CCDC178: variants seen among roughly 807,000 people sequenced by gnomAD.
CCDC178 encodes the protein coiled-coil domain containing 178, also known as coiled-coil domain-containing protein 178.
Under a neutral mutation model 117.4 loss-of-function variants are expected in CCDC178, and 126 were observed. The observed-to-expected ratio is 1.07, with a 90% CI of 0.93 to 1.24. CCDC178 has a LOEUF of 1.24. Ranked by LOEUF, CCDC178 falls within the 50% of genes most tolerant of loss-of-function variation. CCDC178 has a pLI of 0.00. For synonymous variants in CCDC178, 283 were observed against 313.4 expected (o/e 0.90, Z 1.02); for missense variants, 1,030 against 986.9 (o/e 1.04, Z -0.59).
At chr18:33,163,081 C>T (rs1179479913) in intron 20 of CCDC178, among the ~76,000 whole-genome samples, 1 of 152,120 alleles carries the variant, frequency 6.6e-6, no homozygotes, top group Non-Finnish European at 1.5e-5. Flanking sequence ...TCTCCACAAC[C>T]TCGCCAGTAT....
At chr18:33,390,699 T>C (rs1006640470) in intron 4 of CCDC178, among the ~76,000 whole-genome samples, 3 of 151,974 alleles carry the variant, frequency 2.0e-5, no homozygotes, top group Non-Finnish European at 4.4e-5. Context: ...TCAGGGGTGA[T>C]GGAAATTTTT....
At chr18:33,081,139 G>T (rs1332889985) in intron 21 of CCDC178, among the ~76,000 whole-genome samples, 1 of 152,114 alleles carries the variant, frequency 6.6e-6, no homozygotes, top group African/African-American at 2.4e-5. Flanking sequence ...TACTCTATAG[G>T]TTTCTTTAGC....
At chr18:32,953,596 C>T (rs1941272) in intron 22 of CCDC178, among the ~76,000 whole-genome samples, 3 of 152,174 alleles carry the variant, frequency 2.0e-5, no homozygotes, top group African/African-American at 7.2e-5. Context: ...ATCTTTGACA[C>T]TCAAAAAGTA....
rs1366456861 is a variant in CCDC178 at position 33,293,247 on chromosome 18, G to C, written c.1088C>G (p.Thr363Ser). Residue 363 changes from threonine (T) to serine (S), a missense_variant, in exon 12 of 23, where the codon ACT becomes AGT. Transcript: ENST00000383096. ...TTCCTCTTCCTTCTCCTCAATATTAGTATTAACATTTATCACTGATGAAGA... is the reference window on the plus strand; with the variant it reads ...TTCCTCTTCCTTCTCCTCAATATTACTATTAACATTTATCACTGATGAAGA... ...HYSSSVINVNTNIEEKEEEVT... is the reference protein window; with the variant it reads ...HYSSSVINVNSNIEEKEEEVT... 3 of 1,555,448 alleles carry C rather than the reference G, an allele frequency of 1.9e-6. No homozygotes were observed. The highest frequency in any genetic ancestry group is 2.3e-5 in the East Asian group (1 of 44,238).
chr18:33,041,070 A>G (rs887885930), intron 21 of CCDC178, among the ~76,000 whole-genome samples: 15 of 151,962 alleles, frequency 9.9e-5, no homozygotes, highest in Non-Finnish European at 1.9e-4. Flanking sequence ...AAAGGATATT[A>G]TTTTAAATTG....
At chr18:33,054,670 A>G (rs2056800130) in intron 21 of CCDC178, among the ~76,000 whole-genome samples, 1 of 152,184 alleles carries the variant, frequency 6.6e-6, no homozygotes, top group Non-Finnish European at 1.5e-5. Flanking sequence ...CCAGTTTATC[A>G]TTGATTGGCA....
chr18:33,420,793 A>T (rs1723387685), intron 2 of CCDC178, among the ~76,000 whole-genome samples: 2 of 152,342 alleles, frequency 1.3e-5, no homozygotes, highest in South Asian at 4.1e-4. Context: ...ATAACAGTTA[A>T]AAAAAGTAAA....
chr18:33,085,334 C>T (rs1000416658), intron 21 of CCDC178, among the ~76,000 whole-genome samples: 29 of 152,146 alleles, frequency 1.9e-4, no homozygotes, highest in Admixed American at 1.5e-3. Context: ...GAGGCCGAGG[C>T]GGGCGGATCA....
chr18:33,148,323 C>T (rs1217480344), intron 20 of CCDC178, among the ~76,000 whole-genome samples: 1 of 152,138 alleles, frequency 6.6e-6, no homozygotes, highest in Non-Finnish European at 1.5e-5. Context: ...ACTCGGCAGC[C>T]TGAGGCAGGA....
At chr18:33,354,065 T>C (rs1424658681) in intron 7 of CCDC178, among the ~76,000 whole-genome samples, 1 of 152,178 alleles carries the variant, frequency 6.6e-6, no homozygotes, top group East Asian at 1.9e-4. Context: ...GAATTCTTCA[T>C]TGACAGTTTC....
At chr18:33,158,865 T>A (rs2058431415) in intron 20 of CCDC178, among the ~76,000 whole-genome samples, 1 of 152,104 alleles carries the variant, frequency 6.6e-6, no homozygotes, top group African/African-American at 2.4e-5. Flanking sequence ...AACTTGTATT[T>A]ATGGAAGACC....
At chr18:33,137,619 A>G (rs1203602407) in intron 20 of CCDC178, among the ~76,000 whole-genome samples, 1 of 152,188 alleles carries the variant, frequency 6.6e-6, no homozygotes, top group Non-Finnish European at 1.5e-5. Context: ...TAGAAAAGCA[A>G]TTATTTCCAG....
At position 33,217,848 on chromosome 18, in the gene CCDC178, G is replaced by C. The variant is rs77462483; in HGVS notation, c.1933-2153C>G. On this transcript the variant is annotated intron_variant, in intron 18 of 22. Coordinates refer to ENST00000383096, the MANE Select transcript of CCDC178 (RefSeq NM_001105528.4). ...AGAGCATCTATTTCAGTGTCAGACT[G>C]TCTGGGTTGGAATTGCAACTTTACC... is the stretch of plus-strand genomic sequence containing the variant. 4.8e-3 allele frequency among the ~76,000 whole-genome samples: 729 copies of C among 152,094 alleles called. 6 individuals carry two copies. The highest frequency in any genetic ancestry group is 0.017 in the African/African-American group (700 of 41,534).
chr18:33,157,688 C>G (rs568164579), intron 20 of CCDC178, among the ~76,000 whole-genome samples: 1 of 152,232 alleles, frequency 6.6e-6, no homozygotes, highest in Admixed American at 6.5e-5. Context: ...TGAGTCATTA[C>G]TCTGACTTTC....
At chr18:33,171,804 T>C (rs2058603418) in intron 20 of CCDC178, among the ~76,000 whole-genome samples, 1 of 152,204 alleles carries the variant, frequency 6.6e-6, no homozygotes, top group Non-Finnish European at 1.5e-5. Flanking sequence ...AATGCCAAGG[T>C]TAGTGCCTGG....
intron 2 of CCDC178, among the ~76,000 whole-genome samples, chr18:33,437,109 CAT>C (rs2064302848): frequency 6.6e-6 from 1 of 152,218 alleles, no homozygotes; most frequent in South Asian, 2.1e-4. Context: ...CTCTGACTAA[CAT>C]AATTTCTCTA....
chr18:33,001,190 A>T (rs141565983), intron 21 of CCDC178, among the ~76,000 whole-genome samples: 5 of 152,170 alleles, frequency 3.3e-5, no homozygotes, highest in Admixed American at 2.0e-4. Flanking sequence ...AAGCCTCATG[A>T]TAACCTCAAA....
At chr18:33,239,922 G>T (rs2059466797) in intron 15 of CCDC178, among the ~76,000 whole-genome samples, 1 of 151,846 alleles carries the variant, frequency 6.6e-6, no homozygotes, top group South Asian at 2.1e-4. Flanking sequence ...TCATTGAACA[G>T]CTGCAGAATA....
chr18:33,396,153 A>G (rs1371581372), intron 4 of CCDC178, among the ~76,000 whole-genome samples: 1 of 152,154 alleles, frequency 6.6e-6, no homozygotes, highest in Non-Finnish European at 1.5e-5. Context: ...AGATTTAGCC[A>G]ATTTGCAAAA....
Sources: gnomAD v4.1 joint callset for allele counts (sites outside exome capture counted in the v4.1 genomes callset) on GRCh38, gnomAD v4.1.1 for gene constraint, MANE v1.5 for transcripts, NCBI Gene and HGNC (gene_info 2026-07-23, HGNC 2026-07-21) for gene names.